LRBA: variants seen among roughly 807,000 people sequenced by gnomAD.
The protein encoded by LRBA is LPS responsive beige-like anchor protein.
A neutral mutation model predicts 330.0 loss-of-function variants in LRBA; 176 were observed. The ratio of observed to expected loss-of-function variants is 0.53; its 90% CI spans 0.47 to 0.60. The LOEUF is 0.60. Ranked by LOEUF, LRBA falls within the 20% of genes least tolerant of loss-of-function variation. The pLI is 0.00. For synonymous variants in LRBA, 1,230 were observed against 1,193.0 expected, an observed-to-expected ratio of 1.03 and a Z score of -0.64; for missense variants, 3,259 against 3,444.8, an observed-to-expected ratio of 0.95 and a Z score of 1.35.
chr4:150,674,084 G>A (rs139716568), intron 37 of LRBA, among the ~76,000 whole-genome samples: 2 of 152,038 alleles, frequency 1.3e-5, no homozygotes, highest in South Asian at 4.1e-4. Flanking sequence ...ATGAGCTTTC[G>A]ATGTCAGCTA....
At chr4:150,338,109 G>A (rs1379435533) in intron 48 of LRBA, among the ~76,000 whole-genome samples, 1 of 152,140 alleles carries the variant, frequency 6.6e-6, no homozygotes, top group Non-Finnish European at 1.5e-5. Context: ...GCATAGCTAA[G>A]ACAGCATTTG....
chr4:150,333,279 T>G (rs1357293776), intron 48 of LRBA, among the ~76,000 whole-genome samples: 3 of 151,742 alleles, frequency 2.0e-5, no homozygotes, highest in Non-Finnish European at 4.4e-5. Flanking sequence ...CTTAAACATA[T>G]GGACACAATT....
intron 34 of LRBA, among the ~76,000 whole-genome samples, chr4:150,789,920 G>A (rs1298549143): frequency 6.6e-6 from 1 of 152,088 alleles, no homozygotes; most frequent in African/African-American, 2.4e-5. Context: ...AAAATGTTAT[G>A]CTCAGAATAT....
At chr4:150,767,778 A>ATT (rs768537354) in intron 34 of LRBA, among the ~76,000 whole-genome samples, 46 of 142,696 alleles carry the variant, frequency 3.2e-4, no homozygotes, top group African/African-American at 7.0e-4. Flanking sequence ...AAAAAAAAAA[A>ATT]TTTGGCCAGG....
chr4:150,680,675 T>C (rs1561508327), intron 37 of LRBA, among the ~76,000 whole-genome samples: 1 of 152,186 alleles, frequency 6.6e-6, no homozygotes, highest in African/African-American at 2.4e-5. Context: ...TTGGATTCTT[T>C]TTTCCCCGGC....
intron 48 of LRBA, among the ~76,000 whole-genome samples, chr4:150,345,989 G>GTGGAGA (rs968849507): frequency 1.3e-4 from 20 of 152,192 alleles, no homozygotes; most frequent in African/African-American, 3.9e-4. Flanking sequence ...TAAATTTGTT[G>GTGGAGA]TGGAGATGGG....
intron 37 of LRBA, among the ~76,000 whole-genome samples, chr4:150,663,501 CCT>C (rs1781306052): frequency 6.6e-6 from 1 of 151,382 alleles, no homozygotes; most frequent in South Asian, 2.1e-4. Flanking sequence ...TCAGTTTATT[CCT>C]GTGTTTTCAA....
Position 150,828,226 on chromosome 4 carries a change from C to A in LRBA, c.5125G>T (p.Gly1709Cys). The A allele has an allele frequency of 1.2e-6, 2 of 1,614,092 alleles. No individual in the cohort carries two copies. Among genetic ancestry groups the A allele is most frequent in the South Asian group, 1.1e-5 (1 of 91,082 alleles). Reference sequence around the variant, plus strand: ...ACGGGTTGTTCCACAGATAGATCACCAAGGGCTCCAAGGCAGGCTGGTGGC... The same window carrying A: ...ACGGGTTGTTCCACAGATAGATCACAAAGGGCTCCAAGGCAGGCTGGTGGC... ...LLPPACLGAL[G>C]DLSVEQPVQF... Residue 1709 changes from glycine (G) to cysteine (C), a missense_variant, in exon 30 of 57, where the codon GGT (glycine) becomes TGT (cysteine). Coordinates refer to ENST00000651943, the MANE Select transcript of LRBA (RefSeq NM_001364905.1).
chr4:150,313,862 A>G (rs1731385410), intron 51 of LRBA, among the ~76,000 whole-genome samples: 1 of 145,740 alleles, frequency 6.9e-6, no homozygotes, highest in Non-Finnish European at 1.5e-5. Flanking sequence ...ATATATATAT[A>G]GCCTGAAGGT....
intron 54 of LRBA, among the ~76,000 whole-genome samples, chr4:150,284,356 T>C (rs1747897279): frequency 6.6e-6 from 1 of 152,156 alleles, no homozygotes; most frequent in African/African-American, 2.4e-5. Flanking sequence ...AGATGCTAGC[T>C]CCTTACATGT....
At chr4:150,454,515 GAGAT>G (rs1438562203) in intron 44 of LRBA, among the ~76,000 whole-genome samples, 1 of 151,652 alleles carries the variant, frequency 6.6e-6, no homozygotes, top group Non-Finnish European at 1.5e-5. Context: ...ATAATTTACT[GAGAT>G]AGGTCACACT....
At chr4:150,419,551 C>A (rs1236120527) in intron 46 of LRBA, among the ~76,000 whole-genome samples, 2 of 148,594 alleles carry the variant, frequency 1.3e-5, no homozygotes, top group African/African-American at 4.9e-5. Flanking sequence ...TAGGATATTT[C>A]TTGTACACTT....
intron 2 of LRBA, among the ~76,000 whole-genome samples, chr4:150,947,226 C>CAA (rs543016036): frequency 2.4e-5 from 3 of 126,974 alleles, no homozygotes; most frequent in South Asian, 2.5e-4. Flanking sequence ...AAGACAGTAC[C>CAA]AAAAAAAAAA....
chr4:150,701,859 G>T (rs1785155382), intron 36 of LRBA, among the ~76,000 whole-genome samples: 1 of 152,102 alleles, frequency 6.6e-6, no homozygotes, highest in Admixed American at 6.6e-5. Flanking sequence ...GTATATCAAG[G>T]GAGGAATGTG....
intron 34 of LRBA, among the ~76,000 whole-genome samples, chr4:150,784,800 G>C (rs1164854018): frequency 1.3e-5 from 2 of 151,898 alleles, no homozygotes; most frequent in Admixed American, 6.6e-5. Flanking sequence ...ATCTAAACTG[G>C]CATGAGGATC....
rs145089373 is a variant in LRBA at position 150,459,810 on chromosome 4, T to C, written c.6780+7863A>G. ...ATGCCAAGATTAAACTATTTTAACATATTATGTCAGCCAATAAAACATATC... is the reference window on the plus strand; with the variant it reads ...ATGCCAAGATTAAACTATTTTAACACATTATGTCAGCCAATAAAACATATC... On this transcript the variant is annotated intron_variant, in intron 44 of 56. Coordinates refer to ENST00000651943, the MANE Select transcript of LRBA (RefSeq NM_001364905.1). Among the ~76,000 whole-genome samples, 114 of 152,100 alleles carry C rather than the reference T, an allele frequency of 7.5e-4. No individual in the cohort carries two copies. In the East Asian group the frequency reaches 0.02, roughly 27 times the overall value.
chr4:150,570,030 A>G (rs1243954568), intron 40 of LRBA, among the ~76,000 whole-genome samples: 2 of 152,154 alleles, frequency 1.3e-5, no homozygotes, highest in East Asian at 3.9e-4. Flanking sequence ...CTCTCAAACT[A>G]TAAGCTACAT....
intron 36 of LRBA, among the ~76,000 whole-genome samples, chr4:150,715,914 C>T (rs1023980593): frequency 6.6e-6 from 1 of 152,100 alleles, no homozygotes; most frequent in Admixed American, 6.6e-5. Context: ...TTTTTAGATG[C>T]ACTAGTGACA....
chr4:150,604,931 AGTCAGTATTTCCCT>A (rs1774482002), intron 37 of LRBA, among the ~76,000 whole-genome samples: 1 of 152,252 alleles, frequency 6.6e-6, no homozygotes, highest in Non-Finnish European at 1.5e-5. Flanking sequence ...GCAGTTGCAC[AGTCAGTATTTCCCT>A]GCTGTAGGAA....
Sources: gnomAD v4.1 joint callset for allele counts (sites outside exome capture counted in the v4.1 genomes callset) on GRCh38, gnomAD v4.1.1 for gene constraint, MANE v1.5 for transcripts, NCBI Gene and HGNC (gene_info 2026-07-23, HGNC 2026-07-21) for gene names.